The following ODAD3 variants were observed in gnomAD, a reference collection of about 807,000 sequenced individuals.
ODAD3 encodes the protein outer dynein arm docking complex subunit 3.
Under a neutral mutation model 70.9 loss-of-function variants are expected in ODAD3, and 57 were observed. That is an observed-to-expected ratio of 0.80 (90% CI 0.65 to 1.00). ODAD3 has a LOEUF of 1.00. ODAD3 is among the 50% of genes least tolerant of loss of function. The probability of loss-of-function intolerance (pLI) is 0.00; values close to 1 mark genes in which losing one functional copy is unlikely to be tolerated. For missense variants in ODAD3, 797 were observed against 763.9 expected, an observed-to-expected ratio of 1.04 and a Z score of -0.51; for synonymous variants, 327 against 315.9, an observed-to-expected ratio of 1.04 and a Z score of -0.37.
At chr19:11,425,073 A>G (rs1002317616) in intron 7 of ODAD3, among the ~76,000 whole-genome samples, 6 of 128,782 alleles carry the variant, frequency 4.7e-5, no homozygotes, top group African/African-American at 1.5e-4. Context: ...GTATATATGT[A>G]TATGTGTATA....
At chr19:11,424,497 A>ATATATATG (rs1254237611) in intron 7 of ODAD3, among the ~76,000 whole-genome samples, 2 of 142,178 alleles carry the variant, frequency 1.4e-5, no homozygotes, top group Non-Finnish European at 3.0e-5. Context: ...AAAAATCCAT[A>ATATATATG]TATATATGTA....
intron 1 of ODAD3, among the ~76,000 whole-genome samples, chr19:11,431,400 C>T (rs919892291): frequency 1.4e-4 from 22 of 151,920 alleles, no homozygotes; most frequent in Non-Finnish European, 2.4e-4. Context: ...GTGTGAGCCA[C>T]TGTGCCAGGC....
intron 11 of ODAD3, among the ~76,000 whole-genome samples, chr19:11,421,452 AGCCGCG>A (rs1322732258): frequency 1.3e-5 from 2 of 151,924 alleles, no homozygotes; most frequent in Non-Finnish European, 2.9e-5. Context: ...CGGATACCCC[AGCCGCG>A]TCCTCTAGCC....
intron 7 of ODAD3, among the ~76,000 whole-genome samples, chr19:11,424,239 CA>C (rs1206793907): frequency 2.0e-5 from 3 of 152,174 alleles, no homozygotes; most frequent in African/African-American, 7.2e-5. Context: ...GGCTGTGGCT[CA>C]CGCCTTTAAT....
Position 11,426,995 on chromosome 19 carries a change from G to A in ODAD3, c.490C>T (p.Gln164Ter). 1.2e-6 allele frequency: 2 copies of A among 1,604,344 alleles called. No individual in the cohort carries two copies. The highest frequency in any genetic ancestry group is 1.7e-6 in the Non-Finnish European group (2 of 1,179,210). Residue 164 changes from glutamine to a stop codon, truncating the protein, a stop_gained, in exon 4 of 13, where the codon CAG becomes TAG. Coordinates refer to ENST00000356392, the MANE Select transcript of ODAD3 (RefSeq NM_145045.5). LOFTEE classifies it high-confidence loss of function. Reference sequence around the variant, plus strand: ...ACCACCTGGTGCCGCAGGGCGTTCTGCTGCTTCACCTTCTCCCTCAGCCGG... The same window carrying A: ...ACCACCTGGTGCCGCAGGGCGTTCTACTGCTTCACCTTCTCCCTCAGCCGG... Reference protein sequence around the residue: ...DHRLREKVKQQNALRHQVVLR... With the variant: ...DHRLREKVKQ
At position 11,420,677 on chromosome 19, in the gene ODAD3, G is replaced by A. The variant is rs942362710; in HGVS notation, c.*158C>T. The A allele has an allele frequency of 8.0e-6, 5 of 624,012 alleles. No homozygotes were observed. Among genetic ancestry groups the A allele is most frequent in the Non-Finnish European group, 1.4e-5 (5 of 353,136 alleles). 38.7% of individuals were successfully genotyped at this position (624,012 alleles called of 1,614,324 possible). On this transcript the variant is annotated 3_prime_UTR_variant, in exon 13 of 13. Transcript: ENST00000356392. ...AGCTGGGGAGATTTACTGTGGGAAC[G>A]TCTGGCCCGGCCCCTTCCTCCCCTC...
rs1439711537 is a variant in ODAD3, at chr19:11,425,553, A to G, written c.963+591T>C. On this transcript the variant is annotated intron_variant, in intron 7 of 12. Coordinates refer to ENST00000356392, the MANE Select transcript of ODAD3 (RefSeq NM_145045.5). ...TATATATGTGTGTATGTATGTATAT[A>G]TGTATATATGTGTGTATGTATGTAT... is the stretch of plus-strand genomic sequence containing the variant. 2.8e-4 allele frequency among the ~76,000 whole-genome samples: 37 copies of G among 130,416 alleles called. 1 individual carries two copies. The highest frequency in any genetic ancestry group is 1.2e-3 in the African/African-American group (31 of 26,824). 85.6% of individuals were successfully genotyped at this position (130,416 alleles called of 152,430 possible).
At chr19:11,428,714 A>C (rs1259697881) in intron 3 of ODAD3, among the ~76,000 whole-genome samples, 1 of 151,684 alleles carries the variant, frequency 6.6e-6, no homozygotes, top group East Asian at 1.9e-4. Context: ...ACATTTGGCA[A>C]ATCTTCTGTA....
chr19:11,427,161 C>G (rs1314138910), intron 3 of ODAD3, 121 bp from the exon 4 acceptor site: 4 of 1,105,750 alleles, frequency 3.6e-6, no homozygotes, highest in African/African-American at 1.6e-5. Context: ...CCGTTTTCTA[C>G]CCACCTCCCT....
At chr19:11,432,732 A>G (rs1969528499) in intron 1 of ODAD3, among the ~76,000 whole-genome samples, 1 of 152,186 alleles carries the variant, frequency 6.6e-6, no homozygotes, top group Non-Finnish European at 1.5e-5. Context: ...CCCCTTGCAC[A>G]GATGACAAGA....
chr19:11,423,773 A>G, intron 8 of ODAD3, 104 bp downstream of exon 8: 2 of 1,187,596 alleles, frequency 1.7e-6, no homozygotes, highest in Non-Finnish European at 2.3e-6. Context: ...CCGACCTGGC[A>G]GAGAGGGGAG....
At chr19:11,421,983 G>A in intron 10 of ODAD3, 151 bp from the exon 11 acceptor site, 1 of 770,392 alleles carries the variant, frequency 1.3e-6, no homozygotes, top group African/African-American at 1.7e-5. Context: ...GGGGACTTAG[G>A]TCAAGGCCAC....
Position 11,422,913 on chromosome 19 carries a change from G to A in ODAD3, c.1117-52C>T. The A allele has an allele frequency of 6.4e-7, 1 of 1,569,664 alleles. No homozygotes were observed. Among genetic ancestry groups the A allele is most frequent in the South Asian group, 1.1e-5 (1 of 88,596 alleles). On this transcript the variant is annotated intron_variant, in intron 8 of 12. Coordinates refer to ENST00000356392, the MANE Select transcript of ODAD3 (RefSeq NM_145045.5). This position sits in a 1 kb window ranked among gnomAD's most constrained non-coding sequence, Gnocchi z 4.6. ...GCCAGGGCCTAGGGAGCGTAGGGGC[G>A]CTCCACCTCCTCTCCCCCACCCTGC... is the stretch of plus-strand genomic sequence containing the variant.
chr19:11,423,241 G>A (rs1969184112), intron 8 of ODAD3, among the ~76,000 whole-genome samples: 1 of 152,326 alleles, frequency 6.6e-6, no homozygotes, highest in Middle Eastern at 3.4e-3. Flanking sequence ...GCCCACATCT[G>A]GAAAGGGGCT....
chr19:11,425,239 A>C (rs1418877185), intron 7 of ODAD3, among the ~76,000 whole-genome samples: 1 of 135,972 alleles, frequency 7.4e-6, no homozygotes, highest in Admixed American at 7.0e-5. Context: ...ATATGTACAT[A>C]TGTGTATATA....
intron 7 of ODAD3, among the ~76,000 whole-genome samples, chr19:11,424,372 G>A (rs1969213642): frequency 6.6e-6 from 1 of 151,674 alleles, no homozygotes; most frequent in South Asian, 2.1e-4. Flanking sequence ...GGCGTGGTGG[G>A]GCGCCTGAAG....
intron 3 of ODAD3, among the ~76,000 whole-genome samples, chr19:11,429,321 C>G (rs763943576): frequency 6.6e-6 from 1 of 152,030 alleles, no homozygotes; most frequent in Non-Finnish European, 1.5e-5. Flanking sequence ...AAACTGTTCT[C>G]CTGCCTCAGA....
At chr19:11,426,070 G>C in intron 7 of ODAD3, 74 bp downstream of exon 7, 1 of 1,545,162 alleles carries the variant, frequency 6.5e-7, no homozygotes, top group Non-Finnish European at 8.7e-7. Context: ...CCTAGGATGA[G>C]GGAGAGCCAG....
chr19:11,421,954 G>T (rs1418486254), intron 10 of ODAD3, 122 bp from the exon 11 acceptor site: 1 of 1,102,764 alleles, frequency 9.1e-7, no homozygotes. Flanking sequence ...CTGCAGGGTC[G>T]ATCCTAGCCA....
Sources: allele counts gnomAD v4.1 joint callset (sites outside exome capture counted in the v4.1 genomes callset), GRCh38; gene constraint gnomAD v4.1.1; non-coding constraint Gnocchi (gnomAD v3.1); transcripts MANE v1.5; gene names NCBI Gene and HGNC (gene_info 2026-07-23, HGNC 2026-07-21).